PLCL1: variants seen among roughly 807,000 people sequenced by gnomAD.
PLCL1 encodes inactive phospholipase C-like protein 1.
In PLCL1, 41 loss-of-function variants were observed where a neutral mutation model predicts 84.4. The ratio of observed to expected loss-of-function variants is 0.49; its 90% CI spans 0.38 to 0.63. The LOEUF is 0.63. PLCL1 is among the 30% of genes least tolerant of loss of function. PLCL1 has a pLI of 0.00. For missense variants in PLCL1, 1,206 were observed against 1,367.8 expected (o/e 0.88, Z 1.87); for synonymous variants, 490 against 488.3 (o/e 1.00, Z -0.05).
At chr2:197,897,206 T>C (rs55708404) in intron 1 of PLCL1, among the ~76,000 whole-genome samples, 2 of 71,802 alleles carry the variant, frequency 2.8e-5, no homozygotes, top group Middle Eastern at 6.7e-3. Flanking sequence ...TCCTTCTTCT[T>C]TCTTCTTCCT....
chr2:198,117,809 G>T (rs747989739), intron 5 of PLCL1, among the ~76,000 whole-genome samples: 3 of 151,766 alleles, frequency 2.0e-5, no homozygotes, highest in African/African-American at 7.3e-5. Context: ...AATGTATATT[G>T]TGTATCCTCT....
intron 1 of PLCL1, among the ~76,000 whole-genome samples, chr2:197,995,245 G>T (rs976572981): frequency 1.3e-5 from 2 of 152,064 alleles, no homozygotes; most frequent in Non-Finnish European, 2.9e-5. Context: ...TCCTAGGAAT[G>T]GACCCATTTG....
intron 1 of PLCL1, among the ~76,000 whole-genome samples, chr2:198,036,343 C>T (rs1691550373): frequency 1.3e-5 from 2 of 152,178 alleles, no homozygotes; most frequent in African/African-American, 2.4e-5. Context: ...AGATTCTTCA[C>T]ACATTCCAAG....
chr2:198,145,527 G>A (rs1238823417), intron 5 of PLCL1, among the ~76,000 whole-genome samples: 1 of 152,120 alleles, frequency 6.6e-6, no homozygotes, highest in Non-Finnish European at 1.5e-5. Context: ...AGGCAAAACT[G>A]TCCACCTCCA....
At chr2:197,988,758 CG>C (rs1298353823) in intron 1 of PLCL1, among the ~76,000 whole-genome samples, 3 of 152,170 alleles carry the variant, frequency 2.0e-5, no homozygotes, top group East Asian at 3.8e-4. Context: ...ATTGCTGGAT[CG>C]GATGGTAGAT....
At chr2:197,950,883 T>A (rs1314966099) in intron 1 of PLCL1, among the ~76,000 whole-genome samples, 2 of 152,118 alleles carry the variant, frequency 1.3e-5, no homozygotes, top group Admixed American at 6.6e-5. Flanking sequence ...TTGCAAAAAC[T>A]GCTTAGGTTA....
At chr2:197,929,341 G>A (rs984298568) in intron 1 of PLCL1, among the ~76,000 whole-genome samples, 1 of 152,162 alleles carries the variant, frequency 6.6e-6, no homozygotes, top group Non-Finnish European at 1.5e-5. Flanking sequence ...CTAGAAGGAA[G>A]CTCCACCTTC....
chr2:197,976,949 G>C (rs1689994193), intron 1 of PLCL1, among the ~76,000 whole-genome samples: 1 of 152,052 alleles, frequency 6.6e-6, no homozygotes, highest in South Asian at 2.1e-4. Context: ...CCATTGCCTT[G>C]ACATGCCACA....
chr2:197,971,502 A>G (rs1346419733), intron 1 of PLCL1, among the ~76,000 whole-genome samples: 2 of 152,234 alleles, frequency 1.3e-5, no homozygotes, highest in African/African-American at 4.8e-5. Context: ...GGACGGATGC[A>G]TACTAGGCTG....
At chr2:198,001,724 A>T (rs552041931) in intron 1 of PLCL1, among the ~76,000 whole-genome samples, 2 of 152,084 alleles carry the variant, frequency 1.3e-5, no homozygotes. Context: ...GCCCCACAGC[A>T]GGAGGTGAGT....
At chr2:197,839,814 A>T (rs1293910491) in intron 1 of PLCL1, among the ~76,000 whole-genome samples, 1 of 152,200 alleles carries the variant, frequency 6.6e-6, no homozygotes, top group Non-Finnish European at 1.5e-5. Context: ...GCTTCCCATT[A>T]GCCAAACCCA....
At chr2:197,857,824 G>A (rs531904540) in intron 1 of PLCL1, among the ~76,000 whole-genome samples, 4 of 152,102 alleles carry the variant, frequency 2.6e-5, no homozygotes, top group Non-Finnish European at 5.9e-5. Flanking sequence ...AGGTAGGCAA[G>A]CAAGATGGCA....
chr2:197,906,705 T>C (rs975983346), intron 1 of PLCL1, among the ~76,000 whole-genome samples: 1 of 152,212 alleles, frequency 6.6e-6, no homozygotes, highest in Non-Finnish European at 1.5e-5. Context: ...CATGGAATGT[T>C]TTTCCATTTG....
At chr2:198,144,916 A>C (rs1298195130) in intron 5 of PLCL1, among the ~76,000 whole-genome samples, 1 of 152,200 alleles carries the variant, frequency 6.6e-6, no homozygotes, top group African/African-American at 2.4e-5. Context: ...CCCCGGAGCC[A>C]GCTGCTGGAT....
intron 1 of PLCL1, among the ~76,000 whole-genome samples, chr2:197,916,381 T>C (rs1688601022): frequency 6.6e-6 from 1 of 152,182 alleles, no homozygotes; most frequent in Non-Finnish European, 1.5e-5. Context: ...AGTGGCTCAG[T>C]TACTCACTAG....
At position 197,832,999 on chromosome 2, in the gene PLCL1, G is replaced by T. The variant is rs376666823; in HGVS notation, c.240+27660G>T. ...GATCCCAGCACTTTGGGAGGCCAAG[G>T]CCGGCAGATCATGAGGTCAGGAGTG... On this transcript the variant is annotated intron_variant, in intron 1 of 5. Coordinates refer to ENST00000428675, the MANE Select transcript of PLCL1 (RefSeq NM_006226.4). 5.6e-4 allele frequency among the ~76,000 whole-genome samples: 85 copies of T among 152,334 alleles called. 6 individuals are homozygous for T. In the East Asian group the frequency reaches 5.8e-3, roughly 10 times the overall value.
At chr2:197,903,649 ATTTTTTTTTTTTTTT>A (rs11295926) in intron 1 of PLCL1, among the ~76,000 whole-genome samples, 9 of 72,436 alleles carry the variant, frequency 1.2e-4, no homozygotes, top group Admixed American at 1.1e-3. Context: ...ACGCCCAGCT[ATTTTTTTTTTTTTTT>A]TTTTTTTTTT....
chr2:197,923,918 G>C (rs1688776856), intron 1 of PLCL1, among the ~76,000 whole-genome samples: 1 of 151,714 alleles, frequency 6.6e-6, no homozygotes, highest in Admixed American at 6.6e-5. Flanking sequence ...CACCTCGGGA[G>C]GCCAAGGCTG....
intron 1 of PLCL1, among the ~76,000 whole-genome samples, chr2:197,964,685 GT>G (rs1229950537): frequency 2.0e-5 from 3 of 152,040 alleles, no homozygotes; most frequent in East Asian, 1.9e-4. Flanking sequence ...AAGGCTTTCA[GT>G]TTTTTTGCTG....
Sources: gnomAD v4.1 joint callset for allele counts (sites outside exome capture counted in the v4.1 genomes callset) on GRCh38, gnomAD v4.1.1 for gene constraint, MANE v1.5 for transcripts, NCBI Gene and HGNC (gene_info 2026-07-23, HGNC 2026-07-21) for gene names.